CCDC149: variants seen among roughly 807,000 people sequenced by gnomAD.
The protein encoded by CCDC149 is coiled-coil domain containing 149, also known as coiled-coil domain-containing protein 149.
Under a neutral mutation model 59.9 loss-of-function variants are expected in CCDC149, and 45 were observed. The ratio of observed to expected loss-of-function variants is 0.75; its 90% CI spans 0.59 to 0.96. CCDC149 has a LOEUF of 0.96. Ranked by LOEUF, CCDC149 falls within the 40% of genes least tolerant of loss-of-function variation. The pLI, the probability that CCDC149 is intolerant of heterozygous loss-of-function variation, is 0.00. For missense variants in CCDC149, 584 were observed against 664.7 expected, an observed-to-expected ratio of 0.88 and a Z score of 1.33; for synonymous variants, 245 against 260.6, an observed-to-expected ratio of 0.94 and a Z score of 0.58.
intron 3 of CCDC149, among the ~76,000 whole-genome samples, chr4:24,865,321 A>G (rs1487638741): frequency 3.9e-5 from 6 of 152,224 alleles, no homozygotes; most frequent in Non-Finnish European, 8.8e-5. Context: ...AATACATTTA[A>G]AAAATGTTTG....
intron 1 of CCDC149, among the ~76,000 whole-genome samples, chr4:24,887,135 C>T (rs1300231124): frequency 6.6e-6 from 1 of 152,020 alleles, no homozygotes; most frequent in Non-Finnish European, 1.5e-5. Context: ...CTTTTATCTG[C>T]CCTAAAGCAA....
intron 1 of CCDC149, among the ~76,000 whole-genome samples, chr4:24,905,174 C>T (rs1305825684): frequency 2.0e-5 from 3 of 151,892 alleles, no homozygotes; most frequent in Non-Finnish European, 2.9e-5. Flanking sequence ...GCTGGGATTA[C>T]AGGAGTGAGC....
intron 12 of CCDC149, among the ~76,000 whole-genome samples, chr4:24,817,997 T>C (rs1019945540): frequency 1.3e-5 from 2 of 152,028 alleles, no homozygotes; most frequent in Admixed American, 6.6e-5. Context: ...GATGAAACGG[T>C]ACTCCAAAAA....
intron 1 of CCDC149, among the ~76,000 whole-genome samples, chr4:24,886,189 T>C (rs938759782): frequency 1.3e-5 from 2 of 152,176 alleles, no homozygotes; most frequent in Non-Finnish European, 2.9e-5. Context: ...AAGGAATATA[T>C]TGGAAGGATA....
chr4:24,924,052 C>T (rs563153762), intron 1 of CCDC149, among the ~76,000 whole-genome samples: 16 of 152,248 alleles, frequency 1.1e-4, no homozygotes, highest in African/African-American at 1.9e-4. Flanking sequence ...GCAAGTGACA[C>T]GAAAGTAGCA....
chr4:24,938,607 C>T (rs927897814), intron 1 of CCDC149, among the ~76,000 whole-genome samples: 12 of 152,140 alleles, frequency 7.9e-5, no homozygotes, highest in Non-Finnish European at 1.2e-4. Context: ...ATCACTTCAC[C>T]CAGGAAGTGC....
intron 3 of CCDC149, among the ~76,000 whole-genome samples, chr4:24,862,862 C>T (rs748780290): frequency 1.7e-4 from 26 of 151,522 alleles, no homozygotes; most frequent in Non-Finnish European, 3.2e-4. Context: ...CTGTGAATTC[C>T]CATTGCATGT....
chr4:24,963,362 G>A (rs1723701001), intron 1 of CCDC149, among the ~76,000 whole-genome samples: 1 of 152,106 alleles, frequency 6.6e-6, no homozygotes, highest in South Asian at 2.1e-4. Context: ...CAGCATTTAT[G>A]GGTGAACAGA....
Position 24,808,725 on chromosome 4 carries a change from TG to T in CCDC149, c.1286del (p.Pro429GlnfsTer26), listed in dbSNP as rs1560194982. The T allele has an allele frequency of 1.9e-6, 3 of 1,552,112 alleles. No individual in the cohort carries two copies. The highest frequency in any genetic ancestry group is 1.7e-6 in the Non-Finnish European group (2 of 1,147,116). Reference sequence around the variant, plus strand: ...ATTGGTTCCCGCGGCTCTGATTTGCTGGGGAGTTGACAGCGGGCCTCCCAGC... The same window carrying T: ...ATTGGTTCCCGCGGCTCTGATTTGCTGGGAGTTGACAGCGGGCCTCCCAGC... On this transcript the variant is annotated frameshift_variant, in exon 13 of 13. Coordinates refer to ENST00000635206, the MANE Select transcript of CCDC149 (RefSeq NM_001330643.2). LOFTEE classifies it low-confidence loss of function (END_TRUNC).
At position 24,937,115 on chromosome 4, in the gene CCDC149, C is replaced by A. The variant is rs150479220; in HGVS notation, c.-64-41997G>T. 3.5e-3 allele frequency among the ~76,000 whole-genome samples: 538 copies of A among 152,216 alleles called. 2 individuals carry two copies. The highest frequency in any genetic ancestry group is 0.012 in the African/African-American group (509 of 41,510). On this transcript the variant is annotated intron_variant, in intron 1 of 12. Transcript: ENST00000389609. ...TCCTACCAAGGCCAACAGAAGCAGA[C>A]CTTGGCCTAAATTAAGCAAAGGTAA...
rs142678321 is a variant in CCDC149, at chr4:24,863,343, C to T, written c.265-10164G>A. On this transcript the variant is annotated intron_variant, in intron 3 of 12. Transcript: ENST00000635206. ...AAAAGTTTAAGAAAAACCTTTTAAC[C>T]GTGTGCTATTCCAGACACTGGAAAT... Among the ~76,000 whole-genome samples, 1,112 of 152,234 alleles carry T rather than the reference C, an allele frequency of 7.3e-3. 16 individuals are homozygous for T. The highest frequency in any genetic ancestry group is 7.2e-3 in the Non-Finnish European group (489 of 68,018).
intron 1 of CCDC149, among the ~76,000 whole-genome samples, chr4:24,944,680 C>T (rs1723055242): frequency 1.3e-5 from 2 of 152,078 alleles, no homozygotes; most frequent in African/African-American, 4.8e-5. Flanking sequence ...TTGATAGGTA[C>T]AGCAAACCAC....
intron 1 of CCDC149, among the ~76,000 whole-genome samples, chr4:24,918,256 A>G (rs1185842140): frequency 6.6e-6 from 1 of 152,212 alleles, no homozygotes; most frequent in Non-Finnish European, 1.5e-5. Context: ...GTACTGTAGA[A>G]GAATAATGGG....
intron 1 of CCDC149, among the ~76,000 whole-genome samples, chr4:24,904,940 C>G (rs1040860511): frequency 2.6e-5 from 4 of 152,096 alleles, no homozygotes; most frequent in Non-Finnish European, 5.9e-5. Context: ...CGCACTCTGT[C>G]GCCCAGGCTG....
At chr4:24,939,744 G>T (rs536460635) in intron 1 of CCDC149, among the ~76,000 whole-genome samples, 1 of 152,178 alleles carries the variant, frequency 6.6e-6, no homozygotes, top group Non-Finnish European at 1.5e-5. Flanking sequence ...ACTACGCGAC[G>T]AACGCACAAG....
At chr4:24,889,447 G>C (rs1035740027) in intron 1 of CCDC149, among the ~76,000 whole-genome samples, 1 of 152,106 alleles carries the variant, frequency 6.6e-6, no homozygotes, top group Admixed American at 6.5e-5. Flanking sequence ...AGATGCTGCC[G>C]GTACGCCTTG....
At chr4:24,966,075 C>T (rs183036811) in intron 1 of CCDC149, among the ~76,000 whole-genome samples, 179 of 152,216 alleles carry the variant, frequency 1.2e-3, no homozygotes, top group African/African-American at 4.1e-3. Context: ...ACTTGCCCAC[C>T]GACTCCCCTC....
chr4:24,808,213 C>G lies in CCDC149; in HGVS notation c.*176G>C, dbSNP rs894805919. On this transcript the variant is annotated 3_prime_UTR_variant, in exon 13 of 13. Transcript: ENST00000635206. ...GCTTGAGGACCTACATTTAATAAATCAAACTGTACTGGCATCATCAGAATA... is the reference window on the plus strand; with the variant it reads ...GCTTGAGGACCTACATTTAATAAATGAAACTGTACTGGCATCATCAGAATA... 2.1e-6 allele frequency: 1 copy of G among 469,602 alleles called. No individual in the cohort carries two copies. The highest frequency in any genetic ancestry group is 3.6e-6 in the Non-Finnish European group (1 of 280,430). The allele number at this position is 469,602 out of a possible 1,614,324, so 29.1% of individuals were successfully genotyped here. A position where few individuals can be genotyped will look rare whatever the true frequency, so the allele number is the denominator to read the frequency against.
intron 12 of CCDC149, among the ~76,000 whole-genome samples, chr4:24,809,309 C>T (rs907348325): frequency 2.6e-5 from 4 of 152,286 alleles, no homozygotes; most frequent in South Asian, 2.1e-4. Flanking sequence ...TTCCTTAATG[C>T]GGACACCTAG....
Sources: gnomAD v4.1 joint callset for allele counts (sites outside exome capture counted in the v4.1 genomes callset) on GRCh38, gnomAD v4.1.1 for gene constraint, MANE v1.5 for transcripts, NCBI Gene and HGNC (gene_info 2026-07-23, HGNC 2026-07-21) for gene names.